Variants in DDX27 observed in about 807,000 individuals in gnomAD.
DDX27 encodes the protein probable ATP-dependent RNA helicase DDX27.
Under a neutral mutation model 99.3 loss-of-function variants are expected in DDX27, and 42 were observed. That is an observed-to-expected ratio of 0.42 (90% CI 0.33 to 0.55). The LOEUF (loss-of-function observed/expected upper bound fraction) is 0.55. Ranked by LOEUF, DDX27 falls within the 20% of genes least tolerant of loss-of-function variation. The pLI is 0.07. For synonymous variants in DDX27, 329 were observed against 353.8 expected (o/e 0.93, Z 0.79); for missense variants, 798 against 976.8 (o/e 0.82, Z 2.44).
intron 19 of DDX27, 128 bp from the exon 20 acceptor site, chr20:49,243,501 C>T (rs754167264): frequency 1.4e-4 from 115 of 799,112 alleles, no homozygotes; most frequent in Non-Finnish European, 2.2e-4. Context: ...AGGCTTAGAA[C>T]TTAGGGCCTG....
chr20:49,220,824 AAAAAC>A (rs542947525), intron 1 of DDX27, among the ~76,000 whole-genome samples: 184 of 151,582 alleles, frequency 1.2e-3, no homozygotes, highest in South Asian at 8.4e-4. Context: ...TCAAATTGCT[AAAAAC>A]AAAACAAAAC....
chr20:49,220,465 C>T (rs1193055962), intron 1 of DDX27, among the ~76,000 whole-genome samples: 1 of 152,252 alleles, frequency 6.6e-6, no homozygotes, highest in Non-Finnish European at 1.5e-5. Context: ...GCAGAGGGAT[C>T]TCTGCGATAC....
At position 49,233,512 on chromosome 20, in the gene DDX27, C is replaced by A. The variant is rs1053746349; in HGVS notation, c.1132-56C>A. On this transcript the variant is annotated intron_variant, in intron 10 of 20. Coordinates refer to ENST00000618172, the MANE Select transcript of DDX27 (RefSeq NM_017895.8). ...GGTTTGCCTGGGGTGAGCACTGCTT[C>A]CTCCTTCCCTACCACCTTGCAGAGA... 6.2e-6 allele frequency: 10 copies of A among 1,602,258 alleles called. No homozygotes were observed. The African/African-American group carries it at 1.2e-4, about 19-fold the overall frequency.
intron 3 of DDX27, 120 bp from the exon 4 acceptor site, chr20:49,223,148 G>C: frequency 7.3e-7 from 1 of 1,369,532 alleles, no homozygotes; most frequent in Non-Finnish European, 1.0e-6. Context: ...TGTGTTTGCT[G>C]TGAATCTGTA....
intron 14 of DDX27, 52 bp from the exon 15 acceptor site, chr20:49,238,896 AC>A: frequency 7.3e-7 from 1 of 1,370,436 alleles, no homozygotes; most frequent in African/African-American, 1.4e-5. Flanking sequence ...GGTGTGAGCC[AC>A]CATGCCTGGC....
Position 49,239,252 on chromosome 20 carries a change from G to A in DDX27, c.1811G>A (p.Arg604Gln), listed in dbSNP as rs377559919. 35 of 1,614,042 alleles carry A rather than the reference G, an allele frequency of 2.2e-5. No individual in the cohort carries two copies. The African/African-American group carries it at 3.9e-4, about 18-fold the overall frequency. ...QSEAQINTAK[R>Q]LLEKGKEAVV... Reference sequence around the variant, plus strand: ...TCTCTACAGATCAATACAGCAAAGCGGCTCCTGGAGAAGGGGAAGGAGGCA... The same window carrying A: ...TCTCTACAGATCAATACAGCAAAGCAGCTCCTGGAGAAGGGGAAGGAGGCA... Residue 604 changes from arginine to glutamine, a missense_variant, in exon 16 of 21, where the codon CGG (arginine) becomes CAG (glutamine). Arg to Gln is a conservative substitution (Grantham distance 43). Around this residue, in one of 2 missense-constraint regions of DDX27, gnomAD observed 553 missense variants for 727.9 expected, o/e 0.76. Transcript: ENST00000618172.
intron 9 of DDX27, chr20:49,230,949 C>T (rs1192302695): frequency 2.0e-5 from 3 of 152,394 alleles, no homozygotes; most frequent in East Asian, 3.8e-4. Flanking sequence ...TCTTCACCAG[C>T]TTGGGGAATG....
At chr20:49,241,718 C>G (rs953320955) in intron 16 of DDX27, 175 bp from the exon 17 acceptor site, 3 of 678,170 alleles carry the variant, frequency 4.4e-6, no homozygotes, top group Non-Finnish European at 7.7e-6. Context: ...ATCCACCCAC[C>G]TCAGCCTCCC....
At chr20:49,238,824 G>C (rs1339468625) in intron 14 of DDX27, 125 bp from the exon 15 acceptor site, 2 of 568,964 alleles carry the variant, frequency 3.5e-6, no homozygotes, top group Non-Finnish European at 3.1e-6. Context: ...TGCCCAGGCT[G>C]GCCTCAAATT....
intron 12 of DDX27, chr20:49,235,899 A>G (rs977069499): frequency 1.2e-4 from 28 of 239,296 alleles, no homozygotes; most frequent in Non-Finnish European, 2.0e-4. Flanking sequence ...GCCCGCCACC[A>G]TGCCTGGCTA....
At chr20:49,237,905 TG>T in intron 14 of DDX27, 1 of 152,830 alleles carries the variant, frequency 6.5e-6, no homozygotes, top group Non-Finnish European at 1.5e-5. Context: ...ACTCTGAGTC[TG>T]GGGGATATGA....
intron 9 of DDX27, 40 bp from the exon 10 acceptor site, chr20:49,233,266 G>C: frequency 6.6e-7 from 1 of 1,522,238 alleles, no homozygotes; most frequent in Non-Finnish European, 9.1e-7. Flanking sequence ...TGACCGAAGA[G>C]CACTCTCTCC....
chr20:49,223,205 G>A (rs564965902), intron 3 of DDX27, 63 bp from the exon 4 acceptor site: 4 of 1,538,266 alleles, frequency 2.6e-6, no homozygotes, highest in Middle Eastern at 1.7e-4. Flanking sequence ...GCTTCCTATC[G>A]CTCTACTTAG....
At position 49,236,073 on chromosome 20, in the gene DDX27, C is replaced by T; in HGVS notation, c.1428-77C>T. On this transcript the variant is annotated intron_variant, in intron 12 of 20. Transcript: ENST00000618172. The surrounding 1 kb of genome is among the most constrained non-coding windows in gnomAD (Gnocchi z 4.1). ...CCCCATTTTAATGCCCTGTTCTGTC[C>T]TCTGCTGGCTCAGGCTCTTGTGGAG... The T allele has an allele frequency of 1.4e-6, 2 of 1,411,256 alleles. No individual in the cohort carries two copies. Among genetic ancestry groups the T allele is most frequent in the African/African-American group, 2.8e-5 (2 of 70,292 alleles). 87.4% of individuals were successfully genotyped at this position (1,411,256 alleles called of 1,614,324 possible).
At chr20:49,227,490 C>T (rs1657255208) in intron 7 of DDX27, among the ~76,000 whole-genome samples, 1 of 151,958 alleles carries the variant, frequency 6.6e-6, no homozygotes, top group South Asian at 2.1e-4. Context: ...CCTCAGCCTC[C>T]CCAGTAGCTG....
rs747447256 is a variant in DDX27, at chr20:49,228,734, C to T, written c.726C>T (p.Ala242=). ...ATGTGKTAAF[A]LPVLERLIYK... Reference sequence around the variant, plus strand: ...CTCCAGGTAAAACTGCCGCCTTTGCCCTGCCTGTTTTGGAGCGTCTGATTT... The same window carrying T: ...CTCCAGGTAAAACTGCCGCCTTTGCTCTGCCTGTTTTGGAGCGTCTGATTT... The change falls in exon 8 of 21, where the codon GCC becomes GCT. Residue 242 remains alanine (A), a synonymous_variant. Transcript: ENST00000618172. The T allele has an allele frequency of 6.2e-7, 1 of 1,607,506 alleles. No individual in the cohort carries two copies. Among genetic ancestry groups the T allele is most frequent in the Admixed American group, 1.7e-5 (1 of 59,702 alleles).
At chr20:49,241,006 C>A (rs909918890) in intron 16 of DDX27, among the ~76,000 whole-genome samples, 1 of 152,060 alleles carries the variant, frequency 6.6e-6, no homozygotes, top group Non-Finnish European at 1.5e-5. Flanking sequence ...CAGAATGAGA[C>A]CCCGACTCAA....
intron 12 of DDX27, chr20:49,235,827 T>A: frequency 5.8e-6 from 1 of 171,466 alleles, no homozygotes; most frequent in Non-Finnish European, 1.2e-5. Context: ...TACTGCAAGC[T>A]CCGCCTCCCA....
chr20:49,231,057 A>C (rs953964535), intron 9 of DDX27: 2 of 152,142 alleles, frequency 1.3e-5, no homozygotes, highest in African/African-American at 4.8e-5. Flanking sequence ...ACACGCCCCC[A>C]CTTTGTGGCT....
Sources: allele counts gnomAD v4.1 joint callset (sites outside exome capture counted in the v4.1 genomes callset), GRCh38; gene constraint gnomAD v4.1.1; regional missense constraint gnomAD v4.1.1; non-coding constraint Gnocchi (gnomAD v3.1); transcripts MANE v1.5; gene names NCBI Gene and HGNC (gene_info 2026-07-23, HGNC 2026-07-21).